Variants in PTPRN2 observed in about 807,000 individuals in gnomAD.
PTPRN2 encodes protein tyrosine phosphatase receptor type N2, also known as receptor-type tyrosine-protein phosphatase N2.
In PTPRN2, 74 loss-of-function variants were observed where a neutral mutation model predicts 118.8. The observed-to-expected ratio is 0.62, with a 90% CI of 0.52 to 0.76. The LOEUF is 0.76. Ranked by LOEUF, PTPRN2 falls within the 30% of genes least tolerant of loss-of-function variation. The pLI, the probability that PTPRN2 is intolerant of heterozygous loss-of-function variation, is 0.00. For missense variants in PTPRN2, 1,481 were observed against 1,394.4 expected (o/e 1.06, Z -0.99); for synonymous variants, 641 against 608.0 (o/e 1.05, Z -0.80).
intron 12 of PTPRN2, among the ~76,000 whole-genome samples, chr7:157,812,258 G>C (rs945887084): frequency 1.3e-5 from 2 of 152,208 alleles, no homozygotes; most frequent in Admixed American, 1.3e-4. Context: ...GGGACCCTTG[G>C]GGCTTGCCGG....
At chr7:158,407,061 C>A (rs1198257052) in intron 2 of PTPRN2, among the ~76,000 whole-genome samples, 3 of 152,160 alleles carry the variant, frequency 2.0e-5, no homozygotes, top group Non-Finnish European at 4.4e-5. Flanking sequence ...AGCAAGAGAA[C>A]CAACATCCGC....
Position 157,676,208 on chromosome 7 carries a change from C to T in PTPRN2, c.2001+6517G>A, listed in dbSNP as rs1250374769. On this transcript the variant is annotated intron_variant, in intron 13 of 22. Transcript: ENST00000389418. The surrounding 1 kb of genome is among the most constrained non-coding windows in gnomAD (Gnocchi z 5.6). ...GACTGGGAGGACCTCTTCCCTCTAG[C>T]CCAGTTCCTCCTGGCAGCCCTGCAA... 6.6e-6 allele frequency among the ~76,000 whole-genome samples: 1 copy of T among 152,136 alleles called. No individual in the cohort carries two copies. Among genetic ancestry groups the T allele is most frequent in the Non-Finnish European group, 1.5e-5 (1 of 68,012 alleles).
At chr7:157,943,671 A>G (rs1800285916) in intron 11 of PTPRN2, among the ~76,000 whole-genome samples, 1 of 151,440 alleles carries the variant, frequency 6.6e-6, no homozygotes, top group Non-Finnish European at 1.5e-5. Context: ...AGGATACTGA[A>G]GTCCTCCCCA....
intron 2 of PTPRN2, among the ~76,000 whole-genome samples, chr7:158,338,067 C>CATCA (rs1563169586): frequency 1.1e-3 from 8 of 7,140 alleles, no homozygotes; most frequent in Non-Finnish European, 3.5e-3. Flanking sequence ...CACCTGCAGA[C>CATCA]GTCACACCCA....
chr7:158,183,131 T>G (rs554604381), intron 5 of PTPRN2, among the ~76,000 whole-genome samples: 1 of 152,252 alleles, frequency 6.6e-6, no homozygotes, highest in African/African-American at 2.4e-5. Context: ...GGTTTCCATT[T>G]GCATGGAATA....
chr7:158,296,506 G>A (rs1800510162), intron 3 of PTPRN2, among the ~76,000 whole-genome samples: 2 of 152,202 alleles, frequency 1.3e-5, no homozygotes, highest in East Asian at 1.9e-4. Flanking sequence ...CCCTGTCCTT[G>A]CAATAAGGCA....
At chr7:158,159,789 A>G (rs898281468) in intron 6 of PTPRN2, among the ~76,000 whole-genome samples, 5 of 152,250 alleles carry the variant, frequency 3.3e-5, no homozygotes, top group African/African-American at 4.8e-5. Flanking sequence ...TCTATATGAA[A>G]AAAAACTACA....
chr7:158,395,189 C>G (rs1345617493), intron 2 of PTPRN2, among the ~76,000 whole-genome samples: 1 of 150,784 alleles, frequency 6.6e-6, no homozygotes, highest in East Asian at 2.0e-4. Context: ...GGAGGGGCTG[C>G]AGTACCCGAG....
chr7:157,611,829 G>A lies in PTPRN2; in HGVS notation c.2345-7754C>T, dbSNP rs1165969589. On this transcript the variant is annotated intron_variant, in intron 15 of 22. Coordinates refer to ENST00000389418, the MANE Select transcript of PTPRN2 (RefSeq NM_002847.5). This position sits in a 1 kb window ranked among gnomAD's most constrained non-coding sequence, Gnocchi z 5.9. ...CGCCCGTGTGAAGACGAAGACAGCCGCAGTCATGCTGGGGACACGCGGAGG... is the reference window on the plus strand; with the variant it reads ...CGCCCGTGTGAAGACGAAGACAGCCACAGTCATGCTGGGGACACGCGGAGG... Among the ~76,000 whole-genome samples the A allele has an allele frequency of 1.4e-5, 2 of 144,700 alleles. No homozygotes were observed. The highest frequency in any genetic ancestry group is 5.2e-5 in the African/African-American group (2 of 38,762). 94.9% of individuals were successfully genotyped at this position (144,700 alleles called of 152,430 possible).
chr7:157,670,767 A>C (rs528097060), intron 13 of PTPRN2, among the ~76,000 whole-genome samples: 8 of 152,380 alleles, frequency 5.3e-5, no homozygotes, highest in Non-Finnish European at 1.2e-4. Flanking sequence ...CTCTGTGAGC[A>C]AAGCCAGCCT....
At chr7:157,745,447 G>C (rs1800866803) in intron 12 of PTPRN2, among the ~76,000 whole-genome samples, 1 of 151,758 alleles carries the variant, frequency 6.6e-6, no homozygotes, top group African/African-American at 2.4e-5. Context: ...GGAGAGGACA[G>C]GCTGTGGGAG....
chr7:157,559,828 C>G (rs938609442), intron 21 of PTPRN2, among the ~76,000 whole-genome samples: 3 of 152,182 alleles, frequency 2.0e-5, no homozygotes, highest in African/African-American at 4.8e-5. Flanking sequence ...GGGCTGTGGC[C>G]CCCCCCGCCC....
intron 4 of PTPRN2, among the ~76,000 whole-genome samples, chr7:158,201,914 C>T (rs1292680125): frequency 2.0e-5 from 3 of 152,188 alleles, no homozygotes; most frequent in East Asian, 3.9e-4. Flanking sequence ...ACCCTGGGCC[C>T]ATGTTCTCAG....
intron 14 of PTPRN2, among the ~76,000 whole-genome samples, chr7:157,625,911 C>T (rs1232826028): frequency 1.3e-5 from 2 of 152,140 alleles, no homozygotes; most frequent in African/African-American, 2.4e-5. Flanking sequence ...AGAATGGCAA[C>T]GAATAACCCC....
chr7:158,506,067 C>T (rs1258646406), intron 1 of PTPRN2, among the ~76,000 whole-genome samples: 1 of 152,122 alleles, frequency 6.6e-6, no homozygotes, highest in East Asian at 1.9e-4. Context: ...TTCCAGAGGG[C>T]TTGGGACGTG....
intron 6 of PTPRN2, among the ~76,000 whole-genome samples, chr7:158,151,460 ACCCG>A (rs1821119471): frequency 8.7e-6 from 1 of 115,098 alleles, no homozygotes; most frequent in African/African-American, 3.9e-5. Context: ...TGCCCACACC[ACCCG>A]CCTTTCTATT....
chr7:158,306,096 G>A (rs755607043), intron 3 of PTPRN2, among the ~76,000 whole-genome samples: 10 of 152,286 alleles, frequency 6.6e-5, no homozygotes, highest in Non-Finnish European at 1.5e-4. Flanking sequence ...CCAACTCAAA[G>A]CTCACATATG....
chr7:158,519,073 CA>C (rs2129447562), intron 1 of PTPRN2, among the ~76,000 whole-genome samples: 2 of 152,328 alleles, frequency 1.3e-5, no homozygotes, highest in African/African-American at 4.8e-5. Context: ...TTTATGCCAA[CA>C]GGCTCAGGAT....
chr7:158,342,769 G>A (rs1807148157), intron 2 of PTPRN2, among the ~76,000 whole-genome samples: 1 of 152,142 alleles, frequency 6.6e-6, no homozygotes, highest in Non-Finnish European at 1.5e-5. Flanking sequence ...GCAGCGGCAG[G>A]AAAGTCTGAC....
Sources: gnomAD v4.1 joint callset for allele counts (sites outside exome capture counted in the v4.1 genomes callset) on GRCh38, gnomAD v4.1.1 for gene constraint, Gnocchi (gnomAD v3.1) non-coding constraint, MANE v1.5 for transcripts, NCBI Gene and HGNC (gene_info 2026-07-23, HGNC 2026-07-21) for gene names.